The following KCTD8 variants were observed in gnomAD, a reference collection of about 807,000 sequenced individuals.
KCTD8 encodes potassium channel tetramerization domain containing 8.
A neutral mutation model predicts 31.5 loss-of-function variants in KCTD8; 27 were observed. The ratio of observed to expected loss-of-function variants is 0.86; its 90% CI spans 0.63 to 1.18. The LOEUF is 1.18. KCTD8 is among the 50% of genes most tolerant of loss of function. The probability of loss-of-function intolerance (pLI) is 0.00; values close to 1 mark genes in which losing one functional copy is unlikely to be tolerated. For missense variants in KCTD8, 658 were observed against 647.7 expected (o/e 1.02, Z -0.17); for synonymous variants, 290 against 280.0 (o/e 1.04, Z -0.36).
chr4:44,264,844 G>A (rs1170487774), intron 1 of KCTD8, among the ~76,000 whole-genome samples: 1 of 152,190 alleles, frequency 6.6e-6, no homozygotes, highest in African/African-American at 2.4e-5. Context: ...GGGGAGGGGT[G>A]CATGCCATTG....
At position 44,415,290 on chromosome 4, in the gene KCTD8, G is replaced by T. The variant is rs1195619620; in HGVS notation, c.961+32273C>A. Among the ~76,000 whole-genome samples the T allele has an allele frequency of 2.0e-5, 3 of 152,172 alleles. No homozygotes were observed. In the East Asian group the frequency reaches 5.8e-4, roughly 29 times the overall value. On this transcript the variant is annotated intron_variant, in intron 1 of 1. Coordinates refer to ENST00000360029, the MANE Select transcript of KCTD8 (RefSeq NM_198353.3). ...TATGAGAACAAAGAAATGACTTAAA[G>T]TTGGACTTATATTTAAAAGAGAAGT... is the stretch of plus-strand genomic sequence containing the variant.
chr4:44,327,980 T>A (rs1001721269), intron 1 of KCTD8, among the ~76,000 whole-genome samples: 1 of 152,046 alleles, frequency 6.6e-6, no homozygotes, highest in African/African-American at 2.4e-5. Flanking sequence ...ATTTACATAC[T>A]CCTTGAAGCA....
chr4:44,309,004 T>G (rs972814350), intron 1 of KCTD8, among the ~76,000 whole-genome samples: 5 of 152,116 alleles, frequency 3.3e-5, no homozygotes, highest in African/African-American at 1.2e-4. Flanking sequence ...ATAACATTTA[T>G]TTACTTGACT....
intron 1 of KCTD8, among the ~76,000 whole-genome samples, chr4:44,196,363 T>C (rs1256002158): frequency 6.6e-6 from 1 of 152,226 alleles, no homozygotes; most frequent in Non-Finnish European, 1.5e-5. Context: ...TCTTTTACTT[T>C]TCTGGTAAGA....
chr4:44,197,759 C>T (rs1254142062), intron 1 of KCTD8, among the ~76,000 whole-genome samples: 1 of 152,112 alleles, frequency 6.6e-6, no homozygotes, highest in African/African-American at 2.4e-5. Flanking sequence ...GCCAGTGTGT[C>T]CCCCTAACCT....
At chr4:44,278,830 G>A (rs1239441622) in intron 1 of KCTD8, among the ~76,000 whole-genome samples, 2 of 151,934 alleles carry the variant, frequency 1.3e-5, no homozygotes, top group Non-Finnish European at 2.9e-5. Flanking sequence ...CTCAGATATG[G>A]AGAGAACAGA....
At chr4:44,377,709 T>A (rs1719951467) in intron 1 of KCTD8, among the ~76,000 whole-genome samples, 1 of 152,188 alleles carries the variant, frequency 6.6e-6, no homozygotes, top group African/African-American at 2.4e-5. Flanking sequence ...GCTCTTCATG[T>A]CTTCTTTTTA....
At chr4:44,359,118 T>A (rs1315654502) in intron 1 of KCTD8, among the ~76,000 whole-genome samples, 1 of 152,214 alleles carries the variant, frequency 6.6e-6, no homozygotes, top group Non-Finnish European at 1.5e-5. Flanking sequence ...AGGTTGCCTG[T>A]TCACTCTGAT....
At chr4:44,204,345 C>G (rs945128332) in intron 1 of KCTD8, among the ~76,000 whole-genome samples, 1 of 152,078 alleles carries the variant, frequency 6.6e-6, no homozygotes, top group East Asian at 1.9e-4. Context: ...GCAGACAGCC[C>G]GGCACCACAC....
chr4:44,349,953 G>A (rs1312421858), intron 1 of KCTD8, among the ~76,000 whole-genome samples: 1 of 152,154 alleles, frequency 6.6e-6, no homozygotes, highest in Non-Finnish European at 1.5e-5. Context: ...ACACTTCAGA[G>A]CTAGAGAGAG....
intron 1 of KCTD8, among the ~76,000 whole-genome samples, chr4:44,228,772 C>T (rs1434945906): frequency 2.0e-5 from 3 of 152,168 alleles, no homozygotes; most frequent in Non-Finnish European, 4.4e-5. Context: ...GCATTTGCCT[C>T]ACTCATTTTT....
chr4:44,361,333 A>G (rs2109430455), intron 1 of KCTD8, among the ~76,000 whole-genome samples: 1 of 152,158 alleles, frequency 6.6e-6, no homozygotes, highest in African/African-American at 2.4e-5. Flanking sequence ...ATATTATAAG[A>G]TAATATCCAT....
chr4:44,365,749 C>T (rs1719615557), intron 1 of KCTD8, among the ~76,000 whole-genome samples: 6 of 152,102 alleles, frequency 3.9e-5, no homozygotes, highest in Admixed American at 3.9e-4. Flanking sequence ...AACCACATTA[C>T]CCAGCAATCT....
At chr4:44,287,662 C>T (rs1717138415) in intron 1 of KCTD8, among the ~76,000 whole-genome samples, 1 of 152,124 alleles carries the variant, frequency 6.6e-6, no homozygotes, top group Non-Finnish European at 1.5e-5. Flanking sequence ...TAAATAGCAC[C>T]TAATCTAAGA....
At chr4:44,336,133 G>C (rs1327367983) in intron 1 of KCTD8, among the ~76,000 whole-genome samples, 4 of 99,664 alleles carry the variant, frequency 4.0e-5, no homozygotes, top group East Asian at 3.4e-4. Context: ...CTGGGCGACA[G>C]AGCGAGACTC....
intron 1 of KCTD8, among the ~76,000 whole-genome samples, chr4:44,289,455 G>C (rs2109384068): frequency 6.6e-6 from 1 of 152,182 alleles, no homozygotes; most frequent in Non-Finnish European, 1.5e-5. Context: ...TAGATCCATG[G>C]AGAGAAAACA....
At chr4:44,232,902 T>C (rs1044587463) in intron 1 of KCTD8, among the ~76,000 whole-genome samples, 3 of 151,992 alleles carry the variant, frequency 2.0e-5, no homozygotes, top group Admixed American at 1.3e-4. Flanking sequence ...AGTGAATAAG[T>C]AGAAAATTGT....
At chr4:44,343,522 G>T (rs1718959884) in intron 1 of KCTD8, among the ~76,000 whole-genome samples, 1 of 152,120 alleles carries the variant, frequency 6.6e-6, no homozygotes, top group South Asian at 2.1e-4. Context: ...TCAGAGACAT[G>T]AAGTGAGCAC....
rs1349470346 is a variant in KCTD8 at position 44,270,800 on chromosome 4, T to C, written c.962-95550A>G. Among the ~76,000 whole-genome samples the C allele has an allele frequency of 2.0e-5, 3 of 152,160 alleles. No individual in the cohort carries two copies. The East Asian group carries it at 5.8e-4, about 29-fold the overall frequency. ...TGCTTATTTGTTCATTTGATTTTCA[T>C]GTCAAGATGATTACAATTTTCTCTT... On this transcript the variant is annotated intron_variant, in intron 1 of 1. Transcript: ENST00000360029.
Sources: gnomAD v4.1 joint callset for allele counts (sites outside exome capture counted in the v4.1 genomes callset) on GRCh38, gnomAD v4.1.1 for gene constraint, MANE v1.5 for transcripts, NCBI Gene and HGNC (gene_info 2026-07-23, HGNC 2026-07-21) for gene names.